ZNF385D: variants seen among roughly 807,000 people sequenced by gnomAD.
ZNF385D encodes the protein zinc finger protein 385D.
A neutral mutation model predicts 35.8 loss-of-function variants in ZNF385D; 15 were observed. The ratio of observed to expected loss-of-function variants is 0.42; its 90% confidence interval spans 0.28 to 0.64. ZNF385D has a LOEUF of 0.64. ZNF385D is among the 30% of genes least tolerant of loss of function. The pLI is 0.23. For missense variants in ZNF385D, 474 were observed against 494.6 expected (o/e 0.96, Z 0.39); for synonymous variants, 212 against 186.8 (o/e 1.13, Z -1.10).
chr3:21,823,406 C>T (rs1220292981), intron 3 of ZNF385D, among the ~76,000 whole-genome samples: 1 of 151,602 alleles, frequency 6.6e-6, no homozygotes, highest in African/African-American at 2.4e-5. Context: ...ATTACATGTC[C>T]AGTGCATGTG....
intron 2 of ZNF385D, among the ~76,000 whole-genome samples, chr3:22,197,709 T>A (rs1486583952): frequency 6.6e-6 from 1 of 152,122 alleles, no homozygotes; most frequent in Non-Finnish European, 1.5e-5. Flanking sequence ...CTGCTTATAA[T>A]AGCAGCTTCC....
chr3:21,668,478 A>G (rs560069158), intron 1 of ZNF385D, among the ~76,000 whole-genome samples: 1 of 152,254 alleles, frequency 6.6e-6, no homozygotes, highest in South Asian at 2.1e-4. Flanking sequence ...CTCCCTAATA[A>G]AGTCTCAGAG....
At chr3:21,823,532 C>A (rs1469826637) in intron 3 of ZNF385D, among the ~76,000 whole-genome samples, 1 of 152,166 alleles carries the variant, frequency 6.6e-6, no homozygotes, top group Non-Finnish European at 1.5e-5. Flanking sequence ...CTTCTCTTTT[C>A]ATCAGACATT....
chr3:21,478,128 A>G (rs554395884), intron 4 of ZNF385D, among the ~76,000 whole-genome samples: 7 of 152,284 alleles, frequency 4.6e-5, no homozygotes, highest in Admixed American at 3.9e-4. Context: ...CCATGAAAGA[A>G]AAGAGTATGA....
chr3:22,228,784 G>A (rs1361621185), intron 2 of ZNF385D, among the ~76,000 whole-genome samples: 1 of 152,198 alleles, frequency 6.6e-6, no homozygotes, highest in East Asian at 1.9e-4. Context: ...TAGAATAAAA[G>A]CAGGCAGAAG....
intron 3 of ZNF385D, among the ~76,000 whole-genome samples, chr3:21,765,932 T>C (rs1169611980): frequency 6.6e-6 from 1 of 152,074 alleles, no homozygotes; most frequent in Non-Finnish European, 1.5e-5. Flanking sequence ...ACACCTTTAA[T>C]TAATTGGAAG....
chr3:21,700,474 A>T, intron 1 of ZNF385D, among the ~76,000 whole-genome samples: 1 of 152,308 alleles, frequency 6.6e-6, no homozygotes, highest in Non-Finnish European at 1.5e-5. Flanking sequence ...AATTTTTAAA[A>T]TTAGTTTTTT....
intron 2 of ZNF385D, among the ~76,000 whole-genome samples, chr3:22,317,890 A>C (rs1426684830): frequency 6.6e-6 from 1 of 151,924 alleles, no homozygotes; most frequent in Non-Finnish European, 1.5e-5. Context: ...GTGAAACCCC[A>C]TCTCTAATGA....
chr3:21,979,254 G>T (rs913361371), intron 3 of ZNF385D, among the ~76,000 whole-genome samples: 1 of 151,880 alleles, frequency 6.6e-6, no homozygotes, highest in African/African-American at 2.4e-5. Context: ...CAAACAGAAG[G>T]GGGAAAAAAA....
chr3:22,330,500 G>C (rs1694884531), intron 2 of ZNF385D, among the ~76,000 whole-genome samples: 1 of 151,848 alleles, frequency 6.6e-6, no homozygotes, highest in Non-Finnish European at 1.5e-5. Flanking sequence ...ATAATGTTTT[G>C]AGCTTTTTTG....
chr3:21,642,154 A>C (rs1575381842), intron 2 of ZNF385D, among the ~76,000 whole-genome samples: 1 of 152,120 alleles, frequency 6.6e-6, no homozygotes, highest in African/African-American at 2.4e-5. Flanking sequence ...CTTTATGCAA[A>C]TGACACACCT....
chr3:21,615,242 G>A (rs969711631), intron 2 of ZNF385D, among the ~76,000 whole-genome samples: 4 of 151,958 alleles, frequency 2.6e-5, no homozygotes, highest in South Asian at 2.1e-4. Flanking sequence ...CCATCCTCTC[G>A]CTCTCTTGCT....
At chr3:21,678,758 C>G (rs2066807676) in intron 1 of ZNF385D, among the ~76,000 whole-genome samples, 1 of 152,018 alleles carries the variant, frequency 6.6e-6, no homozygotes, top group Admixed American at 6.6e-5. Flanking sequence ...GAAATTGGCC[C>G]TGCATTTTCC....
intron 3 of ZNF385D, among the ~76,000 whole-genome samples, chr3:22,081,814 C>T (rs1293032863): frequency 1.3e-5 from 2 of 152,104 alleles, no homozygotes; most frequent in East Asian, 1.9e-4. Context: ...CTTACCTCTA[C>T]TTCAGCAAAA....
At chr3:22,286,423 T>C (rs149257556) in intron 2 of ZNF385D, among the ~76,000 whole-genome samples, 20 of 152,202 alleles carry the variant, frequency 1.3e-4, no homozygotes, top group African/African-American at 4.8e-4. Context: ...ATCTTTCTAG[T>C]TTCTTCCTTC....
At chr3:21,593,455 C>T (rs965688217) in intron 2 of ZNF385D, among the ~76,000 whole-genome samples, 1 of 152,190 alleles carries the variant, frequency 6.6e-6, no homozygotes, top group South Asian at 2.1e-4. Context: ...CCTTTGTGGA[C>T]AAAGTTCCAC....
chr3:21,565,435 G>C (rs2063108951), intron 2 of ZNF385D, among the ~76,000 whole-genome samples: 1 of 152,120 alleles, frequency 6.6e-6, no homozygotes, highest in African/African-American at 2.4e-5. Flanking sequence ...CTGGAGTGCA[G>C]TGGTGAGATC....
At chr3:21,790,764 A>G (rs767999520) in intron 3 of ZNF385D, among the ~76,000 whole-genome samples, 6 of 152,232 alleles carry the variant, frequency 3.9e-5, no homozygotes, top group Non-Finnish European at 7.3e-5. Context: ...TTCTCTCTCC[A>G]TATGAGAATT....
chr3:21,962,324 T>C (rs1702642939), intron 3 of ZNF385D, among the ~76,000 whole-genome samples: 1 of 152,070 alleles, frequency 6.6e-6, no homozygotes, highest in Non-Finnish European at 1.5e-5. Flanking sequence ...AATTCTAGGT[T>C]ATCAATGGAA....
Sources: gnomAD v4.1 joint callset for allele counts (sites outside exome capture counted in the v4.1 genomes callset) on GRCh38, gnomAD v4.1.1 for gene constraint, MANE v1.5 for transcripts, NCBI Gene and HGNC (gene_info 2026-07-23, HGNC 2026-07-21) for gene names.